Variants in NCAM1 observed in about 807,000 individuals in gnomAD.
The protein encoded by NCAM1 is antigen recognized by monoclonal antibody 5.1H11.
A neutral mutation model predicts 109.8 loss-of-function variants in NCAM1; 14 were observed. The ratio of observed to expected loss-of-function variants is 0.13; its 90% CI spans 0.08 to 0.20. NCAM1 has a LOEUF of 0.20. Among genes scored for constraint, NCAM1 ranks in the 10% least tolerant of loss-of-function variants. The pLI is 1.00. For synonymous variants in NCAM1, 418 were observed against 442.9 expected (o/e 0.94, Z 0.70); for missense variants, 774 against 1,109.9 (o/e 0.70, Z 4.30).
chr11:112,982,257 T>C (rs910230055), intron 1 of NCAM1, among the ~76,000 whole-genome samples: 2 of 151,960 alleles, frequency 1.3e-5, no homozygotes. Flanking sequence ...TCTACATGTA[T>C]TTATGCCTTT....
intron 1 of NCAM1, among the ~76,000 whole-genome samples, chr11:113,189,449 C>CAAA (rs10712434): frequency 0.09 from 10,594 of 117,760 alleles, 497 homozygotes; most frequent in East Asian, 0.19. Context: ...GATTCTGTCT[C>CAAA]AAAAAAAAAA....
At chr11:113,160,016 C>G (rs527905425) in intron 1 of NCAM1, among the ~76,000 whole-genome samples, 1 of 152,054 alleles carries the variant, frequency 6.6e-6, no homozygotes, top group African/African-American at 2.4e-5. Context: ...CTGTATGTAG[C>G]TCCTTCCTTC....
intron 1 of NCAM1, among the ~76,000 whole-genome samples, chr11:113,128,906 G>GGTGTGTGTGTGTGT (rs782123739): frequency 3.5e-5 from 3 of 84,836 alleles, no homozygotes; most frequent in African/African-American, 6.5e-5. Flanking sequence ...AAGTTGTGAG[G>GGTGTGTGTGTGTGT]GTGTGTGTGT....
chr11:113,235,921 A>ACCCTGGGAAGCTCCTGAGTC (rs1303730511), intron 14 of NCAM1, among the ~76,000 whole-genome samples: 3 of 152,056 alleles, frequency 2.0e-5, no homozygotes, highest in Non-Finnish European at 4.4e-5. Context: ...CAGAGATACT[A>ACCCTGGGAAGCTCCTGAGTC]CCCTGGGAAG....
chr11:113,275,492 A>G lies in NCAM1; in HGVS notation c.*105A>G, dbSNP rs1946385194. On this transcript the variant is annotated 3_prime_UTR_variant, in exon 20 of 20. Coordinates refer to ENST00000316851, the MANE Select transcript of NCAM1 (RefSeq NM_181351.5). ...CACACACGCACGCACACACACAAAC[A>G]CACATGCACACACACACATCTCATT... The G allele has an allele frequency of 1.5e-6, 2 of 1,295,052 alleles. No individual in the cohort carries two copies. Among genetic ancestry groups the G allele is most frequent in the Non-Finnish European group, 2.1e-6 (2 of 939,752 alleles). 80.2% of individuals were successfully genotyped at this position (1,295,052 alleles called of 1,614,324 possible). A position where few individuals can be genotyped will look rare whatever the true frequency, so the allele number is the denominator to read the frequency against.
chr11:113,214,502 C>T lies in NCAM1; in HGVS notation c.1050C>T (p.Ser350=), dbSNP rs34941275. The T allele has an allele frequency of 4.8e-4, 768 of 1,607,252 alleles. 1 individual carries two copies. The African/African-American group carries it at 7.5e-3, about 16-fold the overall frequency. ...TWRTSTRNIS[S]EEKASWTRPE... is the part of the protein sequence containing the mutation. ...GGACTTCTACCCGGAACATCAGCAG[C>T]GAAGAAAAGGTATCATGCTCCCCAG... is the stretch of plus-strand genomic sequence containing the variant. Residue 350 remains serine, a synonymous_variant, in exon 8 of 20, where the codon AGC becomes AGT. Coordinates refer to ENST00000316851, the MANE Select transcript of NCAM1 (RefSeq NM_181351.5).
chr11:113,112,993 ATG>A (rs1940512271), intron 1 of NCAM1, among the ~76,000 whole-genome samples: 2 of 152,052 alleles, frequency 1.3e-5, no homozygotes, highest in Non-Finnish European at 2.9e-5. Flanking sequence ...TTAGACAGGC[ATG>A]GGGGTGTGCA....
At chr11:113,018,911 A>G (rs2135213542) in intron 1 of NCAM1, among the ~76,000 whole-genome samples, 1 of 152,052 alleles carries the variant, frequency 6.6e-6, no homozygotes, top group Middle Eastern at 3.4e-3. Context: ...TGGACTTTTT[A>G]TGAGAAGAGG....
chr11:113,067,527 T>C (rs147420639), intron 1 of NCAM1, among the ~76,000 whole-genome samples: 2 of 152,364 alleles, frequency 1.3e-5, no homozygotes, highest in East Asian at 3.9e-4. Flanking sequence ...TAGTGTTTAA[T>C]TCAATGAATG....
In NCAM1 at chr11:113,060,693, A is replaced by ATT. The variant is rs1321037575; in HGVS notation, c.52+99032_52+99033dup. Among the ~76,000 whole-genome samples, 14 of 152,264 alleles carry ATT rather than the reference A, an allele frequency of 9.2e-5. 1 individual carries two copies. The East Asian group carries it at 2.5e-3, about 27-fold the overall frequency. Reference sequence around the variant, plus strand: ...CTGAATCTCAATTTTTTGGTTGCAGATTTTATTTTTAAAATTTTTATATTT... The same window carrying ATT: ...CTGAATCTCAATTTTTTGGTTGCAGATTTTTTATTTTTAAAATTTTTATATTT... On this transcript the variant is annotated intron_variant, in intron 1 of 19. Coordinates refer to ENST00000316851, the MANE Select transcript of NCAM1 (RefSeq NM_181351.5).
intron 1 of NCAM1, chr11:113,133,234 G>A (rs1165295048): frequency 1.3e-5 from 2 of 152,210 alleles, no homozygotes; most frequent in Non-Finnish European, 2.9e-5. Context: ...TCCTTATGAA[G>A]TGTGTCGCTG....
chr11:113,040,895 T>C (rs1953052918), intron 1 of NCAM1: 1 of 152,254 alleles, frequency 6.6e-6, no homozygotes, highest in Non-Finnish European at 1.5e-5. Context: ...TTGGCTACTG[T>C]ATTCCTACTC....
At chr11:113,229,221 T>C (rs1555116736) in intron 9 of NCAM1, among the ~76,000 whole-genome samples, 1 of 148,660 alleles carries the variant, frequency 6.7e-6, no homozygotes, top group African/African-American at 2.4e-5. Flanking sequence ...TACAATGAAC[T>C]CAAACAAATT....
At chr11:113,141,234 G>A (rs562792881) in intron 1 of NCAM1, among the ~76,000 whole-genome samples, 11 of 152,326 alleles carry the variant, frequency 7.2e-5, no homozygotes, top group African/African-American at 2.6e-4. Flanking sequence ...GTCCTCTGCT[G>A]TGATGACCTA....
At chr11:113,189,384 A>G (rs1555109411) in intron 1 of NCAM1, among the ~76,000 whole-genome samples, 1 of 146,216 alleles carries the variant, frequency 6.8e-6, no homozygotes, top group Non-Finnish European at 1.5e-5. Context: ...CAGGAGGCAG[A>G]GGTTGCAGTG....
chr11:113,137,948 C>T (rs1238329422), intron 1 of NCAM1, among the ~76,000 whole-genome samples: 7 of 151,942 alleles, frequency 4.6e-5, no homozygotes, highest in South Asian at 2.1e-4. Context: ...ATTAGATGTC[C>T]GTAGCATACT....
chr11:113,036,696 T>C (rs1295169122), intron 1 of NCAM1, among the ~76,000 whole-genome samples: 2 of 152,178 alleles, frequency 1.3e-5, no homozygotes, highest in Non-Finnish European at 2.9e-5. Flanking sequence ...TTTGCTATTA[T>C]CATAATTCTC....
Position 113,273,443 on chromosome 11 carries a change from T to C in NCAM1, c.2456+1567T>C, listed in dbSNP as rs1318308827. 1 of 331,986 alleles carries C rather than the reference T, an allele frequency of 3.0e-6. No individual in the cohort carries two copies. Among genetic ancestry groups the C allele is most frequent in the African/African-American group, 2.2e-5 (1 of 45,642 alleles). 20.6% of individuals were successfully genotyped at this position (331,986 alleles called of 1,614,324 possible). A position where few individuals can be genotyped will look rare whatever the true frequency, so the allele number is the denominator to read the frequency against. On this transcript the variant is annotated intron_variant, in intron 19 of 19. Coordinates refer to ENST00000316851, the MANE Select transcript of NCAM1 (RefSeq NM_181351.5). This position sits in a 1 kb window ranked among gnomAD's most constrained non-coding sequence, Gnocchi z 6.0. ...AAGCCCCTCAGGCCAAGCAGGAGGCTCCCAGCACCAAAGGCCCGGACCCGG... is the reference window on the plus strand; with the variant it reads ...AAGCCCCTCAGGCCAAGCAGGAGGCCCCCAGCACCAAAGGCCCGGACCCGG...
intron 1 of NCAM1, among the ~76,000 whole-genome samples, chr11:113,129,501 C>T (rs532497534): frequency 3.3e-5 from 5 of 152,186 alleles, no homozygotes. Context: ...TATGAGCATC[C>T]ATCATTTGCT....
Sources: allele counts gnomAD v4.1 joint callset (sites outside exome capture counted in the v4.1 genomes callset), GRCh38; gene constraint gnomAD v4.1.1; non-coding constraint Gnocchi (gnomAD v3.1); transcripts MANE v1.5; gene names NCBI Gene and HGNC (gene_info 2026-07-23, HGNC 2026-07-21).